TMPO: variants seen among roughly 807,000 people sequenced by gnomAD.
TMPO encodes the protein LEM domain containing 4.
A neutral mutation model predicts 45.4 loss-of-function variants in TMPO; 22 were observed. The observed-to-expected ratio is 0.48, with a 90% CI of 0.35 to 0.69. The LOEUF is 0.69. TMPO is among the 30% of genes least tolerant of loss of function. The probability of loss-of-function intolerance (pLI) is 0.01; values close to 1 mark genes in which losing one functional copy is unlikely to be tolerated. For missense variants in TMPO, 512 were observed against 548.8 expected, an observed-to-expected ratio of 0.93 and a Z score of 0.67; for synonymous variants, 241 against 204.1, an observed-to-expected ratio of 1.18 and a Z score of -1.54.
chr12:98,516,107 G>GGCC lies in TMPO; in HGVS notation c.249_251dup (p.Ala84dup). 1 of 1,545,100 alleles carries GGCC rather than the reference G, an allele frequency of 6.5e-7. No homozygotes were observed. The highest frequency in any genetic ancestry group is 8.7e-7 in the Non-Finnish European group (1 of 1,153,814). On this transcript the variant is annotated inframe_insertion, in exon 1 of 9. Transcript: ENST00000556029. ...AGCCCACCCCGGTCCTCGGCTCTGG[G>GGCC]GCCGCCGCCGCGGGCCGGAGCCGAG... is the stretch of plus-strand genomic sequence containing the variant.
chr12:98,544,942 T>C lies in TMPO; in HGVS notation c.880-9T>C, dbSNP rs1327722635. The C allele has an allele frequency of 1.3e-6, 2 of 1,587,848 alleles. No individual in the cohort carries two copies. Among genetic ancestry groups the C allele is most frequent in the Non-Finnish European group, 1.7e-6 (2 of 1,157,510 alleles). ...TAATTCTGAGTCTGAATAATTTGAA[T>C]CTTGGCAGGTTGTCAATAGGGTGAC... On this transcript the variant is annotated splice_polypyrimidine_tract_variant and intron_variant, in intron 6 of 8. Coordinates refer to ENST00000556029, the MANE Select transcript of TMPO (RefSeq NM_001032283.3).
At chr12:98,531,418 G>A (rs1057230427) in intron 2 of TMPO, among the ~76,000 whole-genome samples, 3 of 151,510 alleles carry the variant, frequency 2.0e-5, no homozygotes, top group Non-Finnish European at 4.4e-5. Context: ...TGTATTTTTA[G>A]TAGAGATAGT....
At chr12:98,533,647 G>C in intron 3 of TMPO, 1 of 1,614,164 alleles carries the variant, frequency 6.2e-7, no homozygotes, top group Non-Finnish European at 8.5e-7. Flanking sequence ...TGCCAAAACT[G>C]TTGTCTCTCA....
chr12:98,531,710 T>A lies in TMPO; in HGVS notation c.437T>A (p.Leu146His). ...GTTRKLYEKK[L>H]LKLREQGTES... The stretch of plus-strand genomic sequence containing the variant: ...ACCAGGAAGCTATATGAGAAAAAGC[T>A]TTTGAAACTGAGGGAACAAGGAACA... The change falls in exon 3 of 9, where the codon CTT (leucine) becomes CAT (histidine). Residue 146 changes from leucine to histidine, a missense_variant. Leu to His is a moderately conservative substitution (Grantham distance 99). Coordinates refer to ENST00000556029, the MANE Select transcript of TMPO (RefSeq NM_001032283.3). 3 of 1,613,124 alleles carry A rather than the reference T, an allele frequency of 1.9e-6. No homozygotes were observed. The highest frequency in any genetic ancestry group is 2.5e-6 in the Non-Finnish European group (3 of 1,179,970).
At chr12:98,538,743 AG>A (rs966339851) in intron 4 of TMPO, among the ~76,000 whole-genome samples, 1 of 152,204 alleles carries the variant, frequency 6.6e-6, no homozygotes, top group African/African-American at 2.4e-5. Flanking sequence ...GTAGTTGATA[AG>A]TTGAATTTCA....
At chr12:98,524,692 C>G (rs1876632051) in intron 1 of TMPO, among the ~76,000 whole-genome samples, 1 of 152,186 alleles carries the variant, frequency 6.6e-6, no homozygotes, top group South Asian at 2.1e-4. Context: ...CTCCCAGATT[C>G]AAGCAATTCT....
At chr12:98,527,692 G>A (rs1876882249) in intron 1 of TMPO, 194 bp from the exon 2 acceptor site, 3 of 599,842 alleles carry the variant, frequency 5.0e-6, no homozygotes, top group African/African-American at 3.7e-5. Flanking sequence ...TGGCTGTGCG[G>A]TTTGTATGAT....
rs747163415 is a variant in TMPO at position 98,537,478 on chromosome 12, C to CT, written c.570dup (p.Lys191Ter). 1 of 1,611,704 alleles carries CT rather than the reference C, an allele frequency of 6.2e-7. No homozygotes were observed. Among genetic ancestry groups the CT allele is most frequent in the African/African-American group, 1.3e-5 (1 of 74,826 alleles). The stretch of plus-strand genomic sequence containing the variant: ...GTTTCTCCAATGTTATTTCCAGACT[C>CT]TAAAATAGAGCTCAAGCTTGAGAAG... On this transcript the variant is annotated frameshift_variant, in exon 4 of 9. Transcript: ENST00000556029. LOFTEE classifies it high-confidence loss of function.
At chr12:98,517,268 A>G (rs922026522) in intron 1 of TMPO, among the ~76,000 whole-genome samples, 2 of 152,238 alleles carry the variant, frequency 1.3e-5, no homozygotes, top group African/African-American at 4.8e-5. Flanking sequence ...GATCCTGGTT[A>G]AATCTCAAAT....
At chr12:98,533,132 C>G in intron 3 of TMPO, 1 of 1,614,110 alleles carries the variant, frequency 6.2e-7, no homozygotes, top group Non-Finnish European at 8.5e-7. Context: ...GAGAAAAGTT[C>G]TTCGTCATCT....
intron 1 of TMPO, among the ~76,000 whole-genome samples, chr12:98,523,387 C>T (rs1418119537): frequency 2.0e-5 from 3 of 152,004 alleles, no homozygotes; most frequent in Admixed American, 6.6e-5. Flanking sequence ...AATCCTGTCT[C>T]TTCTAAAAAT....
At chr12:98,546,103 A>AT (rs534814151) in intron 7 of TMPO, among the ~76,000 whole-genome samples, 1 of 152,050 alleles carries the variant, frequency 6.6e-6, no homozygotes, top group Non-Finnish European at 1.5e-5. Context: ...AGATTACTGA[A>AT]TTTTTTCCCC....
chr12:98,546,544 T>A (rs1158878131), intron 8 of TMPO, 97 bp downstream of exon 8: 9 of 1,036,230 alleles, frequency 8.7e-6, no homozygotes, highest in Non-Finnish European at 1.4e-5. Context: ...TGCTCAGAAT[T>A]AAGCTGTTTT....
At chr12:98,538,892 A>G (rs1877731771) in intron 4 of TMPO, among the ~76,000 whole-genome samples, 1 of 152,110 alleles carries the variant, frequency 6.6e-6, no homozygotes, top group African/African-American at 2.4e-5. Context: ...AAATAGCTTC[A>G]GGAGCATGCT....
At chr12:98,543,317 C>T (rs1057000316) in intron 4 of TMPO, among the ~76,000 whole-genome samples, 1 of 152,166 alleles carries the variant, frequency 6.6e-6, no homozygotes, top group African/African-American at 2.4e-5. Context: ...TTAAAAGAAT[C>T]ATCTGGTAAT....
Position 98,527,907 on chromosome 12 carries a change from A to G in TMPO, c.301A>G (p.Lys101Glu). ...ACAGAAAGCCACAAAAAAAACTGATAAACCCAGACAAGAAGATAAAGATGA... is the reference window on the plus strand; with the variant it reads ...ACAGAAAGCCACAAAAAAAACTGATGAACCCAGACAAGAAGATAAAGATGA... ...VGRKATKKTD[K>E]PRQEDKDDLD... The change falls in exon 2 of 9, where the codon AAA becomes GAA. Residue 101 changes from lysine (K) to glutamate (E), a missense_variant. Coordinates refer to ENST00000556029, the MANE Select transcript of TMPO (RefSeq NM_001032283.3). 6.2e-7 allele frequency: 1 copy of G among 1,613,908 alleles called. No individual in the cohort carries two copies.
Position 98,520,660 on chromosome 12 carries a change from G to C in TMPO, c.279+4514G>C, listed in dbSNP as rs146987808. 5.1e-4 allele frequency among the ~76,000 whole-genome samples: 76 copies of C among 149,282 alleles called. 1 individual carries two copies. In the Middle Eastern group the frequency reaches 0.017, roughly 34 times the overall value. On this transcript the variant is annotated intron_variant, in intron 1 of 8. Coordinates refer to ENST00000556029, the MANE Select transcript of TMPO (RefSeq NM_001032283.3). ...TTTTTTTGAAACGGAGTCTCAGTCT[G>C]TCATCCCAGCTGGAGTGCAGTGGTG...
chr12:98,540,715 A>G (rs1025584110), intron 4 of TMPO, among the ~76,000 whole-genome samples: 2 of 152,174 alleles, frequency 1.3e-5, no homozygotes, highest in East Asian at 1.9e-4. Context: ...TTAAATTTCA[A>G]TGACCATATG....
chr12:98,516,820 A>AT (rs979107327), intron 1 of TMPO, among the ~76,000 whole-genome samples: 50 of 152,066 alleles, frequency 3.3e-4, no homozygotes, highest in Non-Finnish European at 6.3e-4. Flanking sequence ...TTATTTATTT[A>AT]TTTTTTTAGA....
Sources: gnomAD v4.1 joint callset for allele counts (sites outside exome capture counted in the v4.1 genomes callset) on GRCh38, gnomAD v4.1.1 for gene constraint, MANE v1.5 for transcripts, NCBI Gene and HGNC (gene_info 2026-07-23, HGNC 2026-07-21) for gene names.